The following PPEF2 variants were observed in gnomAD, a reference collection of about 807,000 sequenced individuals.
The protein encoded by PPEF2 is serine/threonine-protein phosphatase with EF-hands 2.
Under a neutral mutation model 84.7 loss-of-function variants are expected in PPEF2, and 84 were observed. The ratio of observed to expected loss-of-function variants is 0.99; its 90% confidence interval spans 0.83 to 1.19. The LOEUF is 1.19. PPEF2 is among the 50% of genes most tolerant of loss of function. PPEF2 has a pLI of 0.00. For synonymous variants in PPEF2, 346 were observed against 345.2 expected (o/e 1.00, Z -0.03); for missense variants, 924 against 937.5 (o/e 0.99, Z 0.19).
chr4:75,867,260 G>C, intron 14 of PPEF2, 53 bp downstream of exon 14: 1 of 1,420,198 alleles, frequency 7.0e-7, no homozygotes, highest in South Asian at 1.2e-5. Context: ...GTAAGACAGA[G>C]ATTTTCTGGC....
At chr4:75,878,433 A>C (rs960593313) in intron 10 of PPEF2, among the ~76,000 whole-genome samples, 2 of 152,236 alleles carry the variant, frequency 1.3e-5, no homozygotes, top group Non-Finnish European at 2.9e-5. Flanking sequence ...ACTCTGTGTG[A>C]GCACATAATC....
intron 16 of PPEF2, among the ~76,000 whole-genome samples, chr4:75,864,031 C>G (rs112839809): frequency 0.039 from 5,901 of 151,946 alleles, 158 homozygotes; most frequent in Non-Finnish European, 0.056. Flanking sequence ...TGCCACCATG[C>G]CCGCCTAATT....
In PPEF2 at chr4:75,876,177, C is replaced by T; in HGVS notation, c.1320+110G>A. ...CTAGTGTCCTTCTGGGGTGTTGTTACCCCAGAAAGAGAAAGAGGGGCCTCA... is the reference window on the plus strand; with the variant it reads ...CTAGTGTCCTTCTGGGGTGTTGTTATCCCAGAAAGAGAAAGAGGGGCCTCA... On this transcript the variant is annotated intron_variant, in intron 11 of 16. Coordinates refer to ENST00000286719, the MANE Select transcript of PPEF2 (RefSeq NM_006239.3). The T allele has an allele frequency of 5.4e-6, 5 of 926,454 alleles. No homozygotes were observed. The East Asian group carries it at 1.4e-4, about 27-fold the overall frequency. The allele number at this position is 926,454 out of a possible 1,614,324, so 57.4% of individuals were successfully genotyped here. A position where few individuals can be genotyped will look rare whatever the true frequency, so the allele number is the denominator to read the frequency against.
intron 7 of PPEF2, among the ~76,000 whole-genome samples, chr4:75,885,709 T>C (rs1724702265): frequency 6.6e-6 from 1 of 151,702 alleles, no homozygotes; most frequent in East Asian, 1.9e-4. Flanking sequence ...ATAAAAAATA[T>C]AAAAAATTAG....
intron 13 of PPEF2, among the ~76,000 whole-genome samples, chr4:75,871,210 G>A (rs556340822): frequency 1.4e-4 from 22 of 152,044 alleles, no homozygotes; most frequent in African/African-American, 3.9e-4. Context: ...GTGAGCCACC[G>A]CGCCCGGCCA....
chr4:75,883,333 T>A (rs1724627363), intron 8 of PPEF2, 131 bp from the exon 9 acceptor site: 1 of 805,258 alleles, frequency 1.2e-6, no homozygotes, highest in South Asian at 1.6e-5. Context: ...TGAGGAATAA[T>A]CACCAAAATG....
intron 11 of PPEF2, among the ~76,000 whole-genome samples, chr4:75,873,594 G>C (rs1724337566): frequency 6.6e-6 from 1 of 152,156 alleles, no homozygotes; most frequent in South Asian, 2.1e-4. Flanking sequence ...ATGTAAAACA[G>C]ATGAAGTTGT....
chr4:75,891,602 A>G, intron 4 of PPEF2, 46 bp downstream of exon 4: 1 of 1,559,384 alleles, frequency 6.4e-7, no homozygotes, highest in Non-Finnish European at 8.7e-7. Context: ...CGTGTAATCT[A>G]TGGCCTTGCG....
chr4:75,877,101 G>A (rs371014269), intron 10 of PPEF2, among the ~76,000 whole-genome samples: 39 of 151,264 alleles, frequency 2.6e-4, no homozygotes, highest in East Asian at 2.2e-3. Context: ...TTGGGAGCCC[G>A]AGGCAGGCTG....
At position 75,890,067 on chromosome 4, in the gene PPEF2, T is replaced by G; in HGVS notation, c.307A>C (p.Ser103Arg). The change falls in exon 5 of 17, where the codon AGT becomes CGT. Residue 103 changes from serine to arginine, a missense_variant. Physicochemically the swap from Ser to Arg is moderately radical, Grantham distance 110 (BLOSUM62 -1). Transcript: ENST00000286719. ...FAQDSEMKKC[S>R]DYESIEVPDS... ...GGTACCTCTATGGATTCATAGTCAC[T>G]GCATTTCTTCATCTCGGAGTCCTGG... 1 of 1,614,098 alleles carries G rather than the reference T, an allele frequency of 6.2e-7. No homozygotes were observed. The highest frequency in any genetic ancestry group is 1.3e-5 in the African/African-American group (1 of 75,004).
chr4:75,900,817 A>T (rs1661650304), intron 1 of PPEF2, among the ~76,000 whole-genome samples: 2 of 152,184 alleles, frequency 1.3e-5, no homozygotes, highest in African/African-American at 4.8e-5. Context: ...AAACAATGGA[A>T]TGTATTCCAC....
rs1235939060 is a variant in PPEF2 at position 75,891,638 on chromosome 4, T to C, written c.241+10A>G. ...ACAGGAGGACATGACATGTGGCAGT[T>C]CATACTCACTGTCGTTGTGGCTGCT... On this transcript the variant is annotated intron_variant, in intron 4 of 16. Coordinates refer to ENST00000286719, the MANE Select transcript of PPEF2 (RefSeq NM_006239.3). 2 of 1,603,324 alleles carry C rather than the reference T, an allele frequency of 1.2e-6. No individual in the cohort carries two copies. The highest frequency in any genetic ancestry group is 1.7e-6 in the Non-Finnish European group (2 of 1,175,528).
chr4:75,886,783 T>C (rs1000335634), intron 7 of PPEF2, 69 bp downstream of exon 7: 80 of 888,580 alleles, frequency 9.0e-5, no homozygotes, highest in African/African-American at 7.0e-5. Context: ...ATTTGTTCAA[T>C]TGATACTGAA....
chr4:75,891,856 C>A lies in PPEF2; in HGVS notation c.178G>T (p.Val60Phe). The change falls in exon 3 of 17, where the codon GTC becomes TTC. Residue 60 changes from valine to phenylalanine, a missense_variant. By Grantham distance (50) the Val-to-Phe change is conservative. Coordinates refer to ENST00000286719, the MANE Select transcript of PPEF2 (RefSeq NM_006239.3). Reference protein sequence around the residue: ...SIEYAGQQDQVKLHDFFSYLM... With the variant: ...SIEYAGQQDQFKLHDFFSYLM... ...CGTCCCACATCTCATTGTACCTTGACTTGGTCTTGCTGCCCAGCATATTCT... is the reference window on the plus strand; with the variant it reads ...CGTCCCACATCTCATTGTACCTTGAATTGGTCTTGCTGCCCAGCATATTCT... 1 of 1,611,856 alleles carries A rather than the reference C, an allele frequency of 6.2e-7. No individual in the cohort carries two copies. The highest frequency in any genetic ancestry group is 8.5e-7 in the Non-Finnish European group (1 of 1,178,104).
rs774158595 is a variant in PPEF2, at chr4:75,888,347, G to A, written c.418-19C>T. 1 of 1,567,720 alleles carries A rather than the reference G, an allele frequency of 6.4e-7. No individual in the cohort carries two copies. ...GGAGCTGCTACTGGGAGGAAGAGGA[G>A]GGAAGGAAGAAAACAACACTGATAT... is the stretch of plus-strand genomic sequence containing the variant. On this transcript the variant is annotated intron_variant, in intron 5 of 16. Coordinates refer to ENST00000286719, the MANE Select transcript of PPEF2 (RefSeq NM_006239.3).
Position 75,860,291 on chromosome 4 carries a change from G to A in PPEF2, c.*376C>T, listed in dbSNP as rs1036006038. On this transcript the variant is annotated 3_prime_UTR_variant, in exon 17 of 17. Transcript: ENST00000286719. The stretch of plus-strand genomic sequence containing the variant: ...TGGGAGGCGGACTTTGCGGTGAGCC[G>A]AGATCGCGCCAATGCACTCCAGCCT... 9 of 210,040 alleles carry A rather than the reference G, an allele frequency of 4.3e-5. No homozygotes were observed. The highest frequency in any genetic ancestry group is 1.4e-4 in the African/African-American group (6 of 43,036). The allele number at this position is 210,040 out of a possible 1,614,324, so 13.0% of individuals were successfully genotyped here.
In PPEF2 at chr4:75,888,340, A is replaced by C. The variant is rs775333554; in HGVS notation, c.418-12T>G. 6.3e-7 allele frequency: 1 copy of C among 1,579,590 alleles called. No homozygotes were observed. The highest frequency in any genetic ancestry group is 8.7e-7 in the Non-Finnish European group (1 of 1,148,744). Reference sequence around the variant, plus strand: ...CGAGCATGGAGCTGCTACTGGGAGGAAGAGGAGGGAAGGAAGAAAACAACA... The same window carrying C: ...CGAGCATGGAGCTGCTACTGGGAGGCAGAGGAGGGAAGGAAGAAAACAACA... On this transcript the variant is annotated splice_polypyrimidine_tract_variant and intron_variant, in intron 5 of 16. Coordinates refer to ENST00000286719, the MANE Select transcript of PPEF2 (RefSeq NM_006239.3).
At chr4:75,868,315 C>CAAA (rs10646136) in intron 13 of PPEF2, among the ~76,000 whole-genome samples, 2,318 of 55,666 alleles carry the variant, frequency 0.042, 239 homozygotes, top group African/African-American at 0.14. Context: ...GACCCTGTCT[C>CAAA]AAAAAAAAAA....
intron 16 of PPEF2, among the ~76,000 whole-genome samples, chr4:75,863,074 A>G (rs1724043327): frequency 6.6e-6 from 1 of 152,172 alleles, no homozygotes; most frequent in African/African-American, 2.4e-5. Flanking sequence ...ATTTATATCA[A>G]ATGTCCAGAA....
Sources: gnomAD v4.1 joint callset for allele counts (sites outside exome capture counted in the v4.1 genomes callset) on GRCh38, gnomAD v4.1.1 for gene constraint, MANE v1.5 for transcripts, NCBI Gene and HGNC (gene_info 2026-07-23, HGNC 2026-07-21) for gene names.